KLRG1: variants seen among roughly 807,000 people sequenced by gnomAD.
The protein encoded by KLRG1 is killer cell lectin-like receptor subfamily G member 1.
Under a neutral mutation model 21.8 loss-of-function variants are expected in KLRG1, and 16 were observed. The observed-to-expected ratio is 0.73, with a 90% CI of 0.50 to 1.11. The LOEUF (loss-of-function observed/expected upper bound fraction) is 1.11. Ranked by LOEUF, KLRG1 falls within the 50% of genes most tolerant of loss-of-function variation. KLRG1 has a pLI of 0.00. For missense variants in KLRG1, 173 were observed against 218.3 expected (o/e 0.79, Z 1.31); for synonymous variants, 69 against 75.9 (o/e 0.91, Z 0.47).
chr12:9,197,596 AAAT>A, the KLRG1 span, among the ~76,000 whole-genome samples: 1 of 59,438 alleles, frequency 1.7e-5, no homozygotes, highest in African/African-American at 6.2e-5. Context: ...TATAATATAT[AAAT>A]ATAATATATA....
the KLRG1 span, chr12:9,180,996 A>G: frequency 6.2e-7 from 1 of 1,613,614 alleles, no homozygotes; most frequent in East Asian, 2.2e-5. Context: ...GGACACAGAG[A>G]GCTCAGCCTC....
At chr12:8,964,488 G>A (rs1009782317) in intron 1 of KLRG1, among the ~76,000 whole-genome samples, 20 of 152,176 alleles carry the variant, frequency 1.3e-4, no homozygotes, top group African/African-American at 4.8e-4. Flanking sequence ...GGTGTGGTGT[G>A]GTGCTGAATA....
the KLRG1 span, among the ~76,000 whole-genome samples, chr12:9,103,361 A>G: frequency 2.6e-5 from 4 of 152,164 alleles, no homozygotes; most frequent in Non-Finnish European, 5.9e-5. Context: ...CAGTATTTTT[A>G]ACCACTTTAT....
At chr12:8,990,721 T>C (rs947920936) in intron 1 of KLRG1, among the ~76,000 whole-genome samples, 2 of 152,164 alleles carry the variant, frequency 1.3e-5, no homozygotes, top group Admixed American at 6.5e-5. Flanking sequence ...TGGAACCTAG[T>C]TGGAACTATT....
the KLRG1 span, among the ~76,000 whole-genome samples, chr12:9,091,887 A>G: frequency 6.6e-6 from 1 of 152,214 alleles, no homozygotes; most frequent in Non-Finnish European, 1.5e-5. Context: ...AAATCTTAGA[A>G]TTAAATTTGC....
chr12:9,002,945 A>ACACACACACG (rs71045233), intron 3 of KLRG1, among the ~76,000 whole-genome samples: 3 of 149,626 alleles, frequency 2.0e-5, no homozygotes, highest in African/African-American at 5.0e-5. Flanking sequence ...ACACACACAC[A>ACACACACACG]TTATCCATGA....
the KLRG1 span, among the ~76,000 whole-genome samples, chr12:9,155,248 A>ATTT: frequency 6.6e-6 from 1 of 152,246 alleles, no homozygotes; most frequent in Non-Finnish European, 1.5e-5. Context: ...AGATAAAAAT[A>ATTT]GTTTGAAAAT....
At chr12:9,104,011 G>A in the KLRG1 span, among the ~76,000 whole-genome samples, 12 of 152,090 alleles carry the variant, frequency 7.9e-5, no homozygotes, top group African/African-American at 1.7e-4. Flanking sequence ...TAGTGGCTCC[G>A]CCATTTTACG....
chr12:8,978,277 G>T (rs1343558637), intron 1 of KLRG1, among the ~76,000 whole-genome samples: 1 of 152,144 alleles, frequency 6.6e-6, no homozygotes, highest in East Asian at 1.9e-4. Context: ...AGGTCTAGTG[G>T]TGATAAACTC....
chr12:8,960,160 C>T (rs915773371), intron 1 of KLRG1, among the ~76,000 whole-genome samples: 1 of 152,162 alleles, frequency 6.6e-6, no homozygotes, highest in Non-Finnish European at 1.5e-5. Flanking sequence ...CCCACAATTC[C>T]CCCTACTTAA....
the KLRG1 span, among the ~76,000 whole-genome samples, chr12:9,183,267 G>A: frequency 1.3e-5 from 2 of 152,134 alleles, no homozygotes; most frequent in African/African-American, 2.4e-5. Flanking sequence ...TCAAATGAGT[G>A]CATTTTAGCT....
At chr12:9,096,248 A>G in the KLRG1 span, among the ~76,000 whole-genome samples, 2 of 152,232 alleles carry the variant, frequency 1.3e-5, no homozygotes, top group Non-Finnish European at 2.9e-5. Context: ...TCATCTAAGT[A>G]CTAAGTACTA....
At chr12:9,124,593 C>T in the KLRG1 span, among the ~76,000 whole-genome samples, 1 of 152,250 alleles carries the variant, frequency 6.6e-6, no homozygotes, top group African/African-American at 2.4e-5. Flanking sequence ...GGGAGATTCC[C>T]TGGTGCAGCT....
the KLRG1 span, among the ~76,000 whole-genome samples, chr12:9,176,982 A>T: frequency 6.6e-6 from 1 of 152,342 alleles, no homozygotes; most frequent in South Asian, 2.1e-4. Context: ...TGAGAATCTC[A>T]GAGAGAGGAT....
the KLRG1 span, among the ~76,000 whole-genome samples, chr12:9,082,485 G>A: frequency 2.1e-4 from 32 of 152,210 alleles, 1 homozygote; most frequent in Admixed American, 1.8e-3. Context: ...GGGAACCCAT[G>A]AAAACTCTGC....
chr12:9,169,047 T>G, the KLRG1 span: 5 of 1,089,966 alleles, frequency 4.6e-6, no homozygotes, highest in Non-Finnish European at 6.9e-6. Flanking sequence ...CCTTAGAGAC[T>G]TCTCTATGTA....
At chr12:9,158,640 T>A in the KLRG1 span, 1 of 1,523,916 alleles carries the variant, frequency 6.6e-7, no homozygotes, top group Non-Finnish European at 8.9e-7. Flanking sequence ...CTCTGTTTTG[T>A]ACACACAGGC....
At chr12:8,959,810 T>C (rs146848813) in intron 1 of KLRG1, among the ~76,000 whole-genome samples, 103 of 152,348 alleles carry the variant, frequency 6.8e-4, no homozygotes, top group African/African-American at 2.2e-3. Flanking sequence ...ACTGAAGTTA[T>C]TGTGAAAAAT....
At chr12:9,182,020 A>C in the KLRG1 span, 1 of 1,613,856 alleles carries the variant, frequency 6.2e-7, no homozygotes, top group Non-Finnish European at 8.5e-7. Flanking sequence ...CAGAGTCTCC[A>C]ACAACTTCTC....
Sources: allele counts gnomAD v4.1 joint callset (sites outside exome capture counted in the v4.1 genomes callset), GRCh38; gene constraint gnomAD v4.1.1; transcripts MANE v1.5; gene names NCBI Gene and HGNC (gene_info 2026-07-23, HGNC 2026-07-21).